Variants in PLCZ1 observed in about 807,000 individuals in gnomAD.
PLCZ1 encodes the protein 1-phosphatidylinositol 4,5-bisphosphate phosphodiesterase zeta-1.
Under a neutral mutation model 76.8 loss-of-function variants are expected in PLCZ1, and 64 were observed. The observed-to-expected ratio is 0.83, with a 90% CI of 0.68 to 1.03. The LOEUF is 1.03. Ranked by LOEUF, PLCZ1 falls within the 50% of genes least tolerant of loss-of-function variation. PLCZ1 has a pLI of 0.00. For synonymous variants in PLCZ1, 248 were observed against 230.8 expected, an observed-to-expected ratio of 1.07 and a Z score of -0.68; for missense variants, 751 against 713.7, an observed-to-expected ratio of 1.05 and a Z score of -0.60.
chr12:18,691,387 A>G (rs573192824), intron 12 of PLCZ1, among the ~76,000 whole-genome samples: 1 of 152,260 alleles, frequency 6.6e-6, no homozygotes, highest in Non-Finnish European at 1.5e-5. Context: ...TTAGATTCCC[A>G]AAATCATGTC....
chr12:18,671,016 A>C, the PLCZ1 span, among the ~76,000 whole-genome samples: 3 of 151,900 alleles, frequency 2.0e-5, no homozygotes, highest in African/African-American at 7.3e-5. Flanking sequence ...TGTCTCCACT[A>C]AAATACAAAA....
chr12:18,712,096 T>C (rs1431409273), intron 6 of PLCZ1, among the ~76,000 whole-genome samples: 5 of 152,118 alleles, frequency 3.3e-5, no homozygotes, highest in African/African-American at 1.2e-4. Flanking sequence ...CATTACACAG[T>C]TTTAGTACGT....
chr12:18,693,919 C>A, intron 12 of PLCZ1: 1 of 1,526,504 alleles, frequency 6.6e-7, no homozygotes, highest in Non-Finnish European at 9.1e-7. Flanking sequence ...TAACCCTGCA[C>A]GACTTGATCA....
At chr12:18,667,402 G>GT in the PLCZ1 span, among the ~76,000 whole-genome samples, 17 of 152,058 alleles carry the variant, frequency 1.1e-4, no homozygotes, top group African/African-American at 4.1e-4. Flanking sequence ...AAGATTACCT[G>GT]TATCTATCTG....
chr12:18,668,531 C>T, the PLCZ1 span, among the ~76,000 whole-genome samples: 99,971 of 151,960 alleles, frequency 0.66, 33,207 homozygotes, highest in South Asian at 0.72. Flanking sequence ...AGGACTGCAA[C>T]CCTAGTGCCC....
intron 4 of PLCZ1, among the ~76,000 whole-genome samples, chr12:18,721,609 T>C (rs1366976592): frequency 1.3e-5 from 2 of 152,032 alleles, no homozygotes; most frequent in Non-Finnish European, 2.9e-5. Context: ...TCAGTGCTAC[T>C]TAAAGTGCTC....
intron 5 of PLCZ1, among the ~76,000 whole-genome samples, chr12:18,715,366 T>C (rs1414918431): frequency 6.6e-6 from 1 of 151,950 alleles, no homozygotes. Flanking sequence ...TTAAGAATAA[T>C]TAAATTCTTA....
chr12:18,655,749 T>C, the PLCZ1 span, among the ~76,000 whole-genome samples: 1 of 36,910 alleles, frequency 2.7e-5, no homozygotes, highest in African/African-American at 8.1e-5. Flanking sequence ...AACCTTATCA[T>C]GAAAAAAAAA....
At chr12:18,664,747 G>A in the PLCZ1 span, among the ~76,000 whole-genome samples, 2 of 151,230 alleles carry the variant, frequency 1.3e-5, no homozygotes, top group Non-Finnish European at 2.9e-5. Context: ...GCAAAGACTT[G>A]GAACCAATCC....
intron 7 of PLCZ1, among the ~76,000 whole-genome samples, chr12:18,703,820 T>C (rs983842641): frequency 6.6e-6 from 1 of 152,178 alleles, no homozygotes. Context: ...CTTGAATAAA[T>C]TCTTCTAACT....
the PLCZ1 span, among the ~76,000 whole-genome samples, chr12:18,659,693 CT>C: frequency 0.022 from 2,296 of 102,828 alleles, 53 homozygotes; most frequent in African/African-American, 0.072. Context: ...TATTATTATA[CT>C]TTAAGTTTTA....
the PLCZ1 span, among the ~76,000 whole-genome samples, chr12:18,662,087 G>A: frequency 6.6e-6 from 1 of 152,026 alleles, no homozygotes; most frequent in South Asian, 2.1e-4. Flanking sequence ...AGTACACATG[G>A]ACACAAAAAT....
intron 3 of PLCZ1, among the ~76,000 whole-genome samples, chr12:18,726,579 C>A (rs1393103716): frequency 2.0e-5 from 3 of 152,040 alleles, no homozygotes; most frequent in Non-Finnish European, 4.4e-5. Flanking sequence ...CAAAATAATT[C>A]TATTGATTGT....
At chr12:18,664,039 C>T in the PLCZ1 span, among the ~76,000 whole-genome samples, 1 of 152,096 alleles carries the variant, frequency 6.6e-6, no homozygotes, top group South Asian at 2.1e-4. Context: ...ATCAAAACTA[C>T]AATGATATAA....
chr12:18,684,198 C>T lies in PLCZ1; in HGVS notation c.1673G>A (p.Gly558Asp). 1 of 1,612,124 alleles carries T rather than the reference C, an allele frequency of 6.2e-7. No individual in the cohort carries two copies. The highest frequency in any genetic ancestry group is 8.5e-7 in the Non-Finnish European group (1 of 1,178,884). The stretch of plus-strand genomic sequence containing the variant: ...TTCATTTCCTGCTATTAAACCTTGA[C>T]CTTCAACAACAAAACGTATCAATGC... ...ELALIRFVVEGQGLIAGNEFL... is the reference protein window; with the variant it reads ...ELALIRFVVEDQGLIAGNEFL... The change falls in exon 14 of 15, where the codon GGT becomes GAT. Residue 558 changes from glycine (G) to aspartate (D), a missense_variant. By Grantham distance (94) the Gly-to-Asp change is moderately conservative (BLOSUM62 -1). Coordinates refer to ENST00000266505, the MANE Select transcript of PLCZ1 (RefSeq NM_033123.4).
chr12:18,657,820 G>GA, the PLCZ1 span, among the ~76,000 whole-genome samples: 10 of 151,200 alleles, frequency 6.6e-5, no homozygotes, highest in South Asian at 2.1e-4. Flanking sequence ...CCCATACACA[G>GA]AAAAAAAAGG....
In PLCZ1 at chr12:18,729,655, T is replaced by C. The variant is rs570886468; in HGVS notation, c.136-6113A>G. 3.3e-5 allele frequency among the ~76,000 whole-genome samples: 5 copies of C among 152,236 alleles called. No homozygotes were observed. In the South Asian group the frequency reaches 1.0e-3, roughly 32 times the overall value. On this transcript the variant is annotated intron_variant, in intron 3 of 14. Coordinates refer to ENST00000266505, the MANE Select transcript of PLCZ1 (RefSeq NM_033123.4). ...GTAATCCAACACTCATACTGTGTAT[T>C]GAAATAACATATATTTCCTATAAAA...
At chr12:18,678,869 G>T (rs1449015270), downstream of PLCZ1, among the ~76,000 whole-genome samples, 4 of 151,992 alleles carry the variant, frequency 2.6e-5, no homozygotes, top group African/African-American at 9.7e-5. Context: ...GGACCAAAAA[G>T]CTTGAGTTAT....
the PLCZ1 span, among the ~76,000 whole-genome samples, chr12:18,656,173 A>C: frequency 6.6e-6 from 1 of 152,192 alleles, no homozygotes; most frequent in Non-Finnish European, 1.5e-5. Flanking sequence ...TCACACCTGT[A>C]ATCCCAGCAC....
Sources: gnomAD v4.1 joint callset for allele counts (sites outside exome capture counted in the v4.1 genomes callset) on GRCh38, gnomAD v4.1.1 for gene constraint, MANE v1.5 for transcripts, NCBI Gene and HGNC (gene_info 2026-07-23, HGNC 2026-07-21) for gene names.